Variants in OGFOD1 observed in about 807,000 individuals in gnomAD.
OGFOD1 encodes the protein prolyl 3-hydroxylase OGFOD1.
OGFOD1 carries 54 observed loss-of-function variants against 67.7 expected under a neutral mutation model. The observed-to-expected ratio is 0.80, with a 90% confidence interval of 0.64 to 1.00. OGFOD1 has a LOEUF of 1.00. Ranked by LOEUF, OGFOD1 falls within the 50% of genes least tolerant of loss-of-function variation. The pLI is 0.00. For missense variants in OGFOD1, 606 were observed against 646.7 expected (o/e 0.94, Z 0.68); for synonymous variants, 221 against 227.0 (o/e 0.97, Z 0.24).
intron 8 of OGFOD1, among the ~76,000 whole-genome samples, chr16:56,468,968 C>T (rs773767061): frequency 2.6e-5 from 4 of 152,110 alleles, no homozygotes; most frequent in Non-Finnish European, 5.9e-5. Flanking sequence ...AGCTATTCCT[C>T]CATGAAAAAA....
In OGFOD1 at chr16:56,475,526, C is replaced by T. The variant is rs181095853; in HGVS notation, c.1428C>T (p.Gly476=). The T allele has an allele frequency of 9.7e-4, 1,569 of 1,613,870 alleles. 15 individuals are homozygous for T. The highest frequency in any genetic ancestry group is 7.9e-3 in the South Asian group (718 of 91,076). Residue 476 remains glycine, a synonymous_variant, in exon 12 of 13, where the codon GGC becomes GGT. Transcript: ENST00000566157. ...CGCEGWEPEY[G]GFTSYIAKGE... ...TGTAAGGCTGGGAGCCAGAATATGG[C>T]GGTTTTACTTCTTACATTGCCAAAG...
chr16:56,470,488 T>C lies in OGFOD1; in HGVS notation c.982T>C (p.Phe328Leu). 1 of 1,597,906 alleles carries C rather than the reference T, an allele frequency of 6.3e-7. No individual in the cohort carries two copies. The part of the protein sequence containing the change: ...WSSRGPPNKR[F>L]YEKAEESKLP... ...CAACTTGACATTGCTGTTTTTCAGG[T>C]TTTATGAGAAAGCTGAGGAGAGTAA... Residue 328 changes from phenylalanine to leucine, a missense_variant and splice_region_variant, in exon 10 of 13, where the codon TTT becomes CTT. Phe to Leu is a conservative substitution (Grantham distance 22). Transcript: ENST00000566157.
chr16:56,457,122 T>C (rs1367422503), intron 2 of OGFOD1, among the ~76,000 whole-genome samples: 1 of 152,200 alleles, frequency 6.6e-6, no homozygotes, highest in African/African-American at 2.4e-5. Context: ...TATGTTCACA[T>C]AAAAACTTGT....
chr16:56,476,016 G>A, intron 12 of OGFOD1, 28 bp from the exon 13 acceptor site: 1 of 1,590,154 alleles, frequency 6.3e-7, no homozygotes, highest in East Asian at 2.2e-5. Context: ...TCTGTGTTCT[G>A]ATGTGTCACT....
chr16:56,453,678 C>A (rs1328004278), intron 2 of OGFOD1: 6 of 239,842 alleles, frequency 2.5e-5, no homozygotes, highest in Non-Finnish European at 4.9e-5. Context: ...CTCTCAAAGA[C>A]TTCTCAGTTT....
At chr16:56,470,931 C>G in intron 10 of OGFOD1, 140 bp downstream of exon 10, 1 of 810,784 alleles carries the variant, frequency 1.2e-6, no homozygotes, top group Non-Finnish European at 1.9e-6. Flanking sequence ...CAGACAAGGT[C>G]TCTGGTCTTT....
At position 56,470,023 on chromosome 16, in the gene OGFOD1, C is replaced by G. The variant is rs1434071115; in HGVS notation, c.921C>G (p.Val307=). 3 of 1,613,954 alleles carry G rather than the reference C, an allele frequency of 1.9e-6. No individual in the cohort carries two copies. Among genetic ancestry groups the G allele is most frequent in the Non-Finnish European group, 2.5e-6 (3 of 1,179,990 alleles). ...TCTAGCCTGAGAAATTCACGAAAGT[C>G]TGTGAGGCCTTGGAGCATGGACATG... ...EFLKPEKFTK[V]CEALEHGHVE... Residue 307 remains valine, a synonymous_variant, in exon 9 of 13, where the codon GTC becomes GTG. Coordinates refer to ENST00000566157, the MANE Select transcript of OGFOD1 (RefSeq NM_018233.4).
intron 4 of OGFOD1, 70 bp from the exon 5 acceptor site, chr16:56,466,082 T>C (rs527373458): frequency 2.0e-4 from 212 of 1,063,906 alleles, no homozygotes; most frequent in Non-Finnish European, 2.9e-4. Flanking sequence ...CGGACTGATA[T>C]TAAATGCAGA....
chr16:56,451,883 G>T, intron 1 of OGFOD1, 117 bp downstream of exon 1: 1 of 1,223,022 alleles, frequency 8.2e-7, no homozygotes, highest in Non-Finnish European at 1.1e-6. Flanking sequence ...GGCTCTTAGA[G>T]GACTTTGGCC....
rs187752740 is a variant in OGFOD1 at position 56,473,056 on chromosome 16, G to A, written c.1286-1772G>A. On this transcript the variant is annotated intron_variant, in intron 10 of 12. Transcript: ENST00000566157. ...AGCGATTCTCCTGCCTCAGCCTCCC[G>A]AGTAGCTGGGACTACAGGCGCATGC... Among the ~76,000 whole-genome samples the A allele has an allele frequency of 2.9e-3, 443 of 152,132 alleles. 2 individuals are homozygous for A. The highest frequency in any genetic ancestry group is 0.01 in the African/African-American group (423 of 41,496).
At chr16:56,464,920 A>C (rs530348273) in intron 4 of OGFOD1, among the ~76,000 whole-genome samples, 2 of 152,182 alleles carry the variant, frequency 1.3e-5, no homozygotes, top group South Asian at 4.2e-4. Flanking sequence ...AGACCCCTTC[A>C]GTTTGAAGAG....
intron 3 of OGFOD1, among the ~76,000 whole-genome samples, chr16:56,459,972 T>C (rs535690760): frequency 6.6e-6 from 1 of 152,376 alleles, no homozygotes; most frequent in Admixed American, 6.5e-5. Flanking sequence ...TTTTCACCTA[T>C]ATGGTATAAA....
rs750603388 is a variant in OGFOD1 at position 56,477,471 on chromosome 16, G to A, written c.*1266G>A. 1 of 152,224 alleles carries A rather than the reference G, an allele frequency of 6.6e-6. No homozygotes were observed. Among genetic ancestry groups the A allele is most frequent in the Non-Finnish European group, 1.5e-5 (1 of 68,040 alleles). The allele number at this position is 152,224 out of a possible 1,614,324, so 9.4% of individuals were successfully genotyped here. ...TTTCCATCCTGCAATTGTGGCCTGT[G>A]TATAATTAAATGATTTTAGCCTCAC... On this transcript the variant is annotated 3_prime_UTR_variant, in exon 13 of 13. Coordinates refer to ENST00000566157, the MANE Select transcript of OGFOD1 (RefSeq NM_018233.4).
intron 2 of OGFOD1, among the ~76,000 whole-genome samples, chr16:56,457,421 C>T (rs1198684403): frequency 6.6e-6 from 1 of 152,176 alleles, no homozygotes; most frequent in East Asian, 1.9e-4. Flanking sequence ...ACAAAATTGG[C>T]ACAAGGGTTT....
At chr16:56,461,219 G>T (rs1962700074) in intron 3 of OGFOD1, among the ~76,000 whole-genome samples, 1 of 152,222 alleles carries the variant, frequency 6.6e-6, no homozygotes, top group Non-Finnish European at 1.5e-5. Flanking sequence ...TGCAAGGGAA[G>T]AGAGGCTGGA....
intron 1 of OGFOD1, 28 bp from the exon 2 acceptor site, chr16:56,453,235 G>A (rs569862373): frequency 2.1e-5 from 33 of 1,595,230 alleles, no homozygotes; most frequent in African/African-American, 4.1e-5. Flanking sequence ...AAGGAAAAAA[G>A]CCATAGATAA....
chr16:56,458,936 A>G, intron 3 of OGFOD1: 2 of 291,662 alleles, frequency 6.9e-6, no homozygotes, highest in South Asian at 3.7e-5. Context: ...ACAGATATAG[A>G]TAGATAACTT....
intron 12 of OGFOD1, among the ~76,000 whole-genome samples, 185 bp downstream of exon 12, chr16:56,475,750 C>T (rs1483492379): frequency 6.6e-6 from 1 of 152,186 alleles, no homozygotes; most frequent in Non-Finnish European, 1.5e-5. Flanking sequence ...ACTCAGTAAG[C>T]ATTTATTTTA....
At position 56,473,359 on chromosome 16, in the gene OGFOD1, A is replaced by G. The variant is rs76860664; in HGVS notation, c.1286-1469A>G. Among the ~76,000 whole-genome samples, 437 of 152,328 alleles carry G rather than the reference A, an allele frequency of 2.9e-3. 13 individuals carry two copies. In the South Asian group the frequency reaches 0.048, roughly 17 times the overall value. ...GTATACTTTTTAATGCTTGCAATCT[A>G]TTGGATCAGATGACCTTAACCAGTC... On this transcript the variant is annotated intron_variant, in intron 10 of 12. Coordinates refer to ENST00000566157, the MANE Select transcript of OGFOD1 (RefSeq NM_018233.4).
Sources: allele counts gnomAD v4.1 joint callset (sites outside exome capture counted in the v4.1 genomes callset), GRCh38; gene constraint gnomAD v4.1.1; transcripts MANE v1.5; gene names NCBI Gene and HGNC (gene_info 2026-07-23, HGNC 2026-07-21).